The following KCTD16 variants were observed in gnomAD, a reference collection of about 807,000 sequenced individuals.
KCTD16 encodes potassium channel tetramerization domain containing 16.
Under a neutral mutation model 33.2 loss-of-function variants are expected in KCTD16, and 13 were observed. The observed-to-expected ratio is 0.39, with a 90% CI of 0.25 to 0.62. KCTD16 has a LOEUF of 0.62. Ranked by LOEUF, KCTD16 falls within the 20% of genes least tolerant of loss-of-function variation. The pLI is 0.50. For missense variants in KCTD16, 441 were observed against 525.1 expected (o/e 0.84, Z 1.57); for synonymous variants, 197 against 195.3 (o/e 1.01, Z -0.07).
At chr5:144,249,089 C>T (rs1034265233) in intron 3 of KCTD16, among the ~76,000 whole-genome samples, 3 of 152,084 alleles carry the variant, frequency 2.0e-5, no homozygotes, top group Non-Finnish European at 2.9e-5. Context: ...ATCCCAGGAC[C>T]CTTCCTATAT....
At chr5:144,256,314 A>C (rs879620132) in intron 3 of KCTD16, among the ~76,000 whole-genome samples, 15 of 152,234 alleles carry the variant, frequency 9.9e-5, no homozygotes, top group Non-Finnish European at 1.5e-4. Flanking sequence ...TCTAAAACCA[A>C]AGAAATTCTT....
chr5:144,290,458 G>A (rs1320805034), intron 3 of KCTD16, among the ~76,000 whole-genome samples: 4 of 152,118 alleles, frequency 2.6e-5, no homozygotes, highest in Non-Finnish European at 5.9e-5. Flanking sequence ...TGCAATGATA[G>A]GTATTCTTCA....
At chr5:144,317,028 A>G (rs996518920) in intron 3 of KCTD16, among the ~76,000 whole-genome samples, 3 of 149,910 alleles carry the variant, frequency 2.0e-5, no homozygotes, top group Non-Finnish European at 4.4e-5. Flanking sequence ...GGGTTTCATC[A>G]TATTTGCCAG....
At chr5:144,404,929 C>T (rs1313333902) in intron 3 of KCTD16, among the ~76,000 whole-genome samples, 3 of 152,308 alleles carry the variant, frequency 2.0e-5, no homozygotes, top group Admixed American at 2.0e-4. Context: ...CTTTGGCTTC[C>T]ATTCTATCTT....
At chr5:144,411,228 G>C (rs1335517539) in intron 3 of KCTD16, among the ~76,000 whole-genome samples, 2 of 152,026 alleles carry the variant, frequency 1.3e-5, no homozygotes, top group African/African-American at 4.8e-5. Flanking sequence ...AATAGCCCAA[G>C]GAAACCTGAG....
rs1561558719 is a variant in KCTD16 at position 144,299,133 on chromosome 5, TA to T, written c.832+91588del. ...ATATATATATATATATATATATATATATATATATATATATATTTTTTTTTTT... is the reference window on the plus strand; with the variant it reads ...ATATATATATATATATATATATATATTATATATATATATATTTTTTTTTTT... On this transcript the variant is annotated intron_variant, in intron 3 of 3. Coordinates refer to ENST00000512467, the MANE Select transcript of KCTD16 (RefSeq NM_020768.4). Among the ~76,000 whole-genome samples, 119 of 32,172 alleles carry T rather than the reference TA, an allele frequency of 3.7e-3. 7 individuals are homozygous for T. The highest frequency in any genetic ancestry group is 9.6e-3 in the African/African-American group (35 of 3,650). 21.1% of individuals were successfully genotyped at this position (32,172 alleles called of 152,430 possible). A position where few individuals can be genotyped will look rare whatever the true frequency, so the allele number is the denominator to read the frequency against.
chr5:144,415,629 C>A (rs974796006), intron 3 of KCTD16, among the ~76,000 whole-genome samples: 1 of 152,124 alleles, frequency 6.6e-6, no homozygotes, highest in Non-Finnish European at 1.5e-5. Context: ...GATCCATGGA[C>A]AAACAGTTGA....
chr5:144,400,072 A>G (rs959259587), intron 3 of KCTD16, among the ~76,000 whole-genome samples: 5 of 152,178 alleles, frequency 3.3e-5, no homozygotes, highest in African/African-American at 7.2e-5. Context: ...TTATTTTTGC[A>G]TGATACAAAT....
At chr5:144,423,875 A>G (rs2126964092) in intron 3 of KCTD16, among the ~76,000 whole-genome samples, 1 of 152,274 alleles carries the variant, frequency 6.6e-6, no homozygotes, top group East Asian at 1.9e-4. Flanking sequence ...GCCACATTGG[A>G]AAAAGAAGAA....
chr5:144,346,805 T>C (rs968213160), intron 3 of KCTD16, among the ~76,000 whole-genome samples: 8 of 152,206 alleles, frequency 5.3e-5, no homozygotes, highest in African/African-American at 1.9e-4. Flanking sequence ...ATTATGTGGG[T>C]TGTCTCTTCA....
chr5:144,187,449 T>TAC (rs1331206152), intron 2 of KCTD16, among the ~76,000 whole-genome samples: 1 of 150,754 alleles, frequency 6.6e-6, no homozygotes, highest in Non-Finnish European at 1.5e-5. Flanking sequence ...CACACACATA[T>TAC]ACACACACAC....
At chr5:144,392,297 T>C (rs928643352) in intron 3 of KCTD16, among the ~76,000 whole-genome samples, 1 of 152,132 alleles carries the variant, frequency 6.6e-6, no homozygotes, top group Non-Finnish European at 1.5e-5. Flanking sequence ...GTGAGGTGCG[T>C]AGTGCAAGTG....
intron 3 of KCTD16, among the ~76,000 whole-genome samples, chr5:144,336,660 G>A (rs548815287): frequency 2.0e-5 from 3 of 152,066 alleles, no homozygotes; most frequent in East Asian, 1.9e-4. Context: ...TAGGCACTTG[G>A]TAAGCCTGTT....
chr5:144,411,613 C>T (rs1004278051), intron 3 of KCTD16, among the ~76,000 whole-genome samples: 3 of 152,142 alleles, frequency 2.0e-5, no homozygotes, highest in Non-Finnish European at 4.4e-5. Context: ...TGCTTCTTGA[C>T]ATTGTCCTGA....
rs1353533633 is a variant in KCTD16, at chr5:144,474,174, G to A, written c.*60G>A. The A allele has an allele frequency of 3.8e-6, 5 of 1,320,234 alleles. No homozygotes were observed. In the South Asian group the frequency reaches 5.7e-5, roughly 15 times the overall value. The allele number at this position is 1,320,234 out of a possible 1,614,324, so 81.8% of individuals were successfully genotyped here. ...TCATTTTGAAATTAACCTCCTAAAA[G>A]GAATTCATATTTTAAAGGAAAAAAA... On this transcript the variant is annotated 3_prime_UTR_variant, in exon 4 of 4. Transcript: ENST00000512467.
At position 144,276,321 on chromosome 5, in the gene KCTD16, G is replaced by C. The variant is rs75338945; in HGVS notation, c.832+68775G>C. Among the ~76,000 whole-genome samples the C allele has an allele frequency of 3.8e-4, 58 of 152,184 alleles. 1 individual carries two copies. In the East Asian group the frequency reaches 9.5e-3, roughly 25 times the overall value. On this transcript the variant is annotated intron_variant, in intron 3 of 3. Coordinates refer to ENST00000512467, the MANE Select transcript of KCTD16 (RefSeq NM_020768.4). ...ACCTATATTAATGTTTATAGCTTTA[G>C]TTCACTTATTTGCCTTTAGTATTAT...
intron 3 of KCTD16, among the ~76,000 whole-genome samples, chr5:144,458,199 C>T (rs1403055254): frequency 6.6e-6 from 1 of 152,182 alleles, no homozygotes; most frequent in African/African-American, 2.4e-5. Context: ...CAAACAACCT[C>T]ATAGGCAGGT....
chr5:144,317,212 G>A (rs931518671), intron 3 of KCTD16, among the ~76,000 whole-genome samples: 3 of 152,028 alleles, frequency 2.0e-5, no homozygotes, highest in Non-Finnish European at 2.9e-5. Flanking sequence ...TAAACATTAA[G>A]GAGTGCAGTG....
intron 2 of KCTD16, among the ~76,000 whole-genome samples, chr5:144,188,923 A>G (rs535870159): frequency 1.2e-4 from 19 of 152,378 alleles, no homozygotes; most frequent in African/African-American, 3.8e-4. Flanking sequence ...TAAAAGATCA[A>G]CTATACACAA....
Sources: gnomAD v4.1 joint callset for allele counts (sites outside exome capture counted in the v4.1 genomes callset) on GRCh38, gnomAD v4.1.1 for gene constraint, MANE v1.5 for transcripts, NCBI Gene and HGNC (gene_info 2026-07-23, HGNC 2026-07-21) for gene names.